The following PIWIL4 variants were observed in gnomAD, a reference collection of about 807,000 sequenced individuals.
PIWIL4 encodes the protein piwi-like protein 4.
In PIWIL4, 50 loss-of-function variants were observed where a neutral mutation model predicts 100.9. The ratio of observed to expected loss-of-function variants is 0.50; its 90% CI spans 0.39 to 0.63. PIWIL4 has a LOEUF of 0.63. Ranked by LOEUF, PIWIL4 falls within the 20% of genes least tolerant of loss-of-function variation. The pLI, the probability that PIWIL4 is intolerant of heterozygous loss-of-function variation, is 0.00. For missense variants in PIWIL4, 887 were observed against 1,043.3 expected (o/e 0.85, Z 2.06); for synonymous variants, 342 against 367.5 (o/e 0.93, Z 0.79).
At position 94,593,637 on chromosome 11, in the gene PIWIL4, A is replaced by C; in HGVS notation, c.1146A>C (p.Leu382=). ...ACCTGATACCTGAGCTCTGCTTTCT[A>C]ACAGGTAATGTTTGTGTTTTATACC... ...LAHLIPELCF[L]TGLTDQATSD... is the part of the protein sequence containing the mutation. The change falls in exon 9 of 20, where the codon CTA becomes CTC. Residue 382 remains leucine (L), a synonymous_variant. Transcript: ENST00000299001. The C allele has an allele frequency of 6.2e-7, 1 of 1,613,804 alleles. No homozygotes were observed. Among genetic ancestry groups the C allele is most frequent in the South Asian group, 1.1e-5 (1 of 91,058 alleles).
At chr11:94,585,424 T>C (rs1236961706) in intron 5 of PIWIL4, 21 bp from the exon 6 acceptor site, 3 of 1,581,742 alleles carry the variant, frequency 1.9e-6, no homozygotes, top group Non-Finnish European at 1.7e-6. Context: ...TTACCAAAAA[T>C]TCAAAAAAAT....
At position 94,583,558 on chromosome 11, in the gene PIWIL4, C is replaced by T. The variant is rs906820659; in HGVS notation, c.624C>T (p.Ile208=). Residue 208 remains isoleucine (I), a synonymous_variant, in exon 5 of 20, where the codon ATC becomes ATT. Transcript: ENST00000299001. ...SSPVCIQVFN[I]IFRKILKKLS... Reference sequence around the variant, plus strand: ...CCGTGTGCATCCAGGTCTTCAATATCATCTTCAGAAAGTAAGGCACTGGAA... The same window carrying T: ...CCGTGTGCATCCAGGTCTTCAATATTATCTTCAGAAAGTAAGGCACTGGAA... 2 of 1,613,912 alleles carry T rather than the reference C, an allele frequency of 1.2e-6. No homozygotes were observed. The highest frequency in any genetic ancestry group is 2.7e-5 in the African/African-American group (2 of 74,934).
intron 7 of PIWIL4, among the ~76,000 whole-genome samples, chr11:94,587,970 A>C (rs573319856): frequency 1.3e-5 from 2 of 152,286 alleles, no homozygotes; most frequent in African/African-American, 4.8e-5. Context: ...TTTTATTTTA[A>C]GTTTTGGGAT....
At chr11:94,573,216 C>G (rs1265997886) in intron 2 of PIWIL4, among the ~76,000 whole-genome samples, 2 of 152,202 alleles carry the variant, frequency 1.3e-5, no homozygotes, top group Non-Finnish European at 2.9e-5. Context: ...TCTAGATATA[C>G]AGTCATGTCA....
rs1294794859 is a variant in PIWIL4 at position 94,568,777 on chromosome 11, C to T, written c.135C>T (p.Gly45=). The part of the protein sequence containing the change: ...LSNNEASSSN[G]FLGTSRISTN... The stretch of plus-strand genomic sequence containing the variant: ...ACAATGAAGCATCCTCTAGCAATGG[C>T]TTCTTGGGAACAAGCAGGATCTCAA... The change falls in exon 2 of 20, where the codon GGC becomes GGT. Residue 45 remains glycine, a synonymous_variant. Transcript: ENST00000299001. 4 of 1,609,432 alleles carry T rather than the reference C, an allele frequency of 2.5e-6. No individual in the cohort carries two copies. Among genetic ancestry groups the T allele is most frequent in the South Asian group, 1.1e-5 (1 of 90,976 alleles).
At chr11:94,619,926 T>C in intron 18 of PIWIL4, 41 bp downstream of exon 18, 3 of 1,614,114 alleles carry the variant, frequency 1.9e-6, no homozygotes, top group Non-Finnish European at 2.5e-6. Flanking sequence ...AAAACATTCA[T>C]TGCGTCCAGT....
chr11:94,610,082 G>C (rs1316064775), intron 15 of PIWIL4, among the ~76,000 whole-genome samples: 1 of 152,076 alleles, frequency 6.6e-6, no homozygotes. Context: ...CTGTTTCTAT[G>C]AGTTTGACAT....
At chr11:94,618,171 A>G (rs1214815150) in intron 17 of PIWIL4, 64 bp downstream of exon 17, 16 of 1,447,948 alleles carry the variant, frequency 1.1e-5, no homozygotes, top group Non-Finnish European at 1.4e-5. Flanking sequence ...TAGCTATTAC[A>G]CACAAGGTAT....
intron 17 of PIWIL4, among the ~76,000 whole-genome samples, chr11:94,618,505 T>A (rs943888529): frequency 6.6e-6 from 1 of 152,102 alleles, no homozygotes; most frequent in African/African-American, 2.4e-5. Flanking sequence ...AGCCTCTGAG[T>A]TGCAGGCACT....
chr11:94,597,932 T>G lies in PIWIL4; in HGVS notation c.1380+17T>G. On this transcript the variant is annotated intron_variant, in intron 11 of 19. Transcript: ENST00000299001. ...GACCACATAGTAAGTGCTGTGATTT[T>G]ATTTTCATTTAAAAGTATTTACTTG... 6.4e-7 allele frequency: 1 copy of G among 1,562,012 alleles called. No individual in the cohort carries two copies.
chr11:94,582,896 C>T (rs998191346), intron 4 of PIWIL4, among the ~76,000 whole-genome samples: 16 of 152,046 alleles, frequency 1.1e-4, no homozygotes, highest in Non-Finnish European at 2.4e-4. Flanking sequence ...TGCTCTTCTA[C>T]ATTATAAACA....
chr11:94,602,952 G>A (rs2135285228), intron 12 of PIWIL4, among the ~76,000 whole-genome samples: 1 of 152,312 alleles, frequency 6.6e-6, no homozygotes, highest in South Asian at 2.1e-4. Context: ...TGACATCACA[G>A]GCTCTTTCTC....
At chr11:94,605,171 A>C (rs1363352025) in intron 13 of PIWIL4, among the ~76,000 whole-genome samples, 1 of 152,216 alleles carries the variant, frequency 6.6e-6, no homozygotes, top group Admixed American at 6.5e-5. Flanking sequence ...GACAATCATC[A>C]AAATTAAGAA....
At position 94,577,348 on chromosome 11, in the gene PIWIL4, A is replaced by G. The variant is rs777906911; in HGVS notation, c.369A>G (p.Leu123=). 3.7e-6 allele frequency: 6 copies of G among 1,613,794 alleles called. No homozygotes were observed. The Admixed American group carries it at 5.0e-5, about 13-fold the overall frequency. The change falls in exon 4 of 20, where the codon CTA becomes CTG. Residue 123 remains leucine, a synonymous_variant. Coordinates refer to ENST00000299001, the MANE Select transcript of PIWIL4 (RefSeq NM_152431.3). ...TAGATTTTCCCCAAGACTGGCAGCT[A>G]TACCAGTACCATGTGACATATATTC... ...FNLDFPQDWQ[L]YQYHVTYIPD...
intron 12 of PIWIL4, among the ~76,000 whole-genome samples, chr11:94,602,380 A>T (rs989609401): frequency 3.3e-5 from 5 of 152,174 alleles, no homozygotes; most frequent in African/African-American, 1.2e-4. Context: ...CTTTTACTTG[A>T]TTTTATGCTT....
At chr11:94,604,082 C>G (rs758049082) in intron 13 of PIWIL4, 26 bp downstream of exon 13, 2 of 1,447,432 alleles carry the variant, frequency 1.4e-6, no homozygotes, top group Admixed American at 3.8e-5. Flanking sequence ...TTTTTGAACT[C>G]CTTTAATCTA....
In PIWIL4 at chr11:94,620,991, G is replaced by A; in HGVS notation, c.2558G>A (p.Ter853=). 6.2e-7 allele frequency: 1 copy of A among 1,603,662 alleles called. No individual in the cohort carries two copies. The highest frequency in any genetic ancestry group is 8.5e-7 in the Non-Finnish European group (1 of 1,170,840). Residue 853 remains the stop codon, a stop_retained_variant, in exon 20 of 20, where the codon TGA becomes TAA. Coordinates refer to ENST00000299001, the MANE Select transcript of PIWIL4 (RefSeq NM_152431.3). ...TTAGCCAACCATCTCTTCTACCTGT[G>A]ATGGCATGAACTACTGGCATCACTA... ...LELANHLFYL[*] is the part of the protein sequence containing the mutation.
intron 7 of PIWIL4, among the ~76,000 whole-genome samples, chr11:94,588,454 C>A (rs1384124365): frequency 1.3e-5 from 2 of 152,190 alleles, no homozygotes; most frequent in Non-Finnish European, 2.9e-5. Context: ...CCCTCTTATC[C>A]TCCTGTCATG....
intron 11 of PIWIL4, among the ~76,000 whole-genome samples, chr11:94,601,578 CA>C (rs1052483300): frequency 6.6e-6 from 1 of 152,224 alleles, no homozygotes; most frequent in Non-Finnish European, 1.5e-5. Flanking sequence ...CAAGGGCCAC[CA>C]GTGCCTGGAA....
Sources: allele counts gnomAD v4.1 joint callset (sites outside exome capture counted in the v4.1 genomes callset), GRCh38; gene constraint gnomAD v4.1.1; transcripts MANE v1.5; gene names NCBI Gene and HGNC (gene_info 2026-07-23, HGNC 2026-07-21).